The following ATXN2 variants were observed in gnomAD, a reference collection of about 807,000 sequenced individuals.
ATXN2 encodes the protein ataxin-2.
In ATXN2, 37 loss-of-function variants were observed where a neutral mutation model predicts 138.6. The observed-to-expected ratio is 0.27, with a 90% CI of 0.21 to 0.35. The LOEUF (loss-of-function observed/expected upper bound fraction) is 0.35. Ranked by LOEUF, ATXN2 falls within the 10% of genes least tolerant of loss-of-function variation. The pLI is 1.00. For missense variants in ATXN2, 1,216 were observed against 1,480.3 expected (o/e 0.82, Z 2.93); for synonymous variants, 549 against 543.7 (o/e 1.01, Z -0.13).
intron 1 of ATXN2, among the ~76,000 whole-genome samples, chr12:111,582,473 T>C (rs1476043518): frequency 6.6e-6 from 1 of 150,936 alleles, no homozygotes; most frequent in African/African-American, 2.4e-5. Context: ...GGGTGTGATG[T>C]TGCATGTGCC....
At chr12:111,531,374 G>T (rs1193521399) in intron 5 of ATXN2, among the ~76,000 whole-genome samples, 1 of 152,212 alleles carries the variant, frequency 6.6e-6, no homozygotes, top group Non-Finnish European at 1.5e-5. Context: ...GGAGGTTGTA[G>T]TGAGCCAAGA....
rs778830959 is a variant in ATXN2, at chr12:111,470,292, A to C, written c.2710-52T>G. On this transcript the variant is annotated intron_variant, in intron 19 of 24. Coordinates refer to ENST00000673436, the MANE Select transcript of ATXN2 (RefSeq NM_001372574.1). Reference sequence around the variant, plus strand: ...GCACATTAACACTGCAAATAGAGCCAAGCAGACTTTAGTTAAGATTTTTAA... The same window carrying C: ...GCACATTAACACTGCAAATAGAGCCCAGCAGACTTTAGTTAAGATTTTTAA... 3.8e-6 allele frequency: 6 copies of C among 1,580,758 alleles called. No individual in the cohort carries two copies. In the South Asian group the frequency reaches 5.7e-5, roughly 15 times the overall value.
chr12:111,489,569 G>A lies in ATXN2; in HGVS notation c.1936-789C>T, dbSNP rs190715489. On this transcript the variant is annotated intron_variant, in intron 14 of 24. Coordinates refer to ENST00000673436, the MANE Select transcript of ATXN2 (RefSeq NM_001372574.1). Reference sequence around the variant, plus strand: ...TGGAGCTGCAGTGAGCCAAGATCACGCCACTGCACTCCAGCCTGGGTGACA... The same window carrying A: ...TGGAGCTGCAGTGAGCCAAGATCACACCACTGCACTCCAGCCTGGGTGACA... Among the ~76,000 whole-genome samples the A allele has an allele frequency of 4.8e-3, 722 of 149,660 alleles. 9 individuals carry two copies. The highest frequency in any genetic ancestry group is 0.016 in the African/African-American group (663 of 40,400).
intron 1 of ATXN2, chr12:111,581,710 G>A (rs1884015703): frequency 1.5e-6 from 1 of 670,618 alleles, no homozygotes; most frequent in Non-Finnish European, 2.8e-6. Context: ...TCTGGGCCCT[G>A]ATTGTGCGCA....
At chr12:111,594,553 G>A (rs1305291791) in intron 1 of ATXN2, among the ~76,000 whole-genome samples, 1 of 152,006 alleles carries the variant, frequency 6.6e-6, no homozygotes, top group Admixed American at 6.6e-5. Context: ...ATACTAAGCT[G>A]AAAATCACTA....
chr12:111,456,387 A>G, intron 22 of ATXN2, 131 bp from the exon 23 acceptor site: 1 of 945,116 alleles, frequency 1.1e-6, no homozygotes, highest in African/African-American at 1.6e-5. Flanking sequence ...GAGAATGTAC[A>G]GGGTGGTAAG....
chr12:111,499,873 C>T (rs1878646097), intron 14 of ATXN2, among the ~76,000 whole-genome samples: 1 of 152,144 alleles, frequency 6.6e-6, no homozygotes, highest in Non-Finnish European at 1.5e-5. Context: ...TTCAATACTA[C>T]TGATCACCAG....
chr12:111,482,181 T>C (rs1205089622), intron 18 of ATXN2, among the ~76,000 whole-genome samples: 2 of 144,946 alleles, frequency 1.4e-5, no homozygotes, highest in African/African-American at 2.7e-5. Flanking sequence ...GCAAAGCCCT[T>C]TCTCTACTAT....
rs766891604 is a variant in ATXN2 at position 111,485,310 on chromosome 12, T to C, written c.2479A>G (p.Thr827Ala). ...GVQPLYPIPM[T>A]PMPVNQAKTY... ...TTGGCTTGATTCACTGGCATGGGCG[T>C]CATAGGTATTGGGTATAAAGGCTTG... is the stretch of plus-strand genomic sequence containing the variant. The change falls in exon 18 of 25, where the codon ACG (threonine) becomes GCG (alanine). Residue 827 changes from threonine (T) to alanine (A), a missense_variant. By Grantham distance (58) the Thr-to-Ala change is moderately conservative. Coordinates refer to ENST00000673436, the MANE Select transcript of ATXN2 (RefSeq NM_001372574.1). The C allele has an allele frequency of 4.3e-6, 7 of 1,612,876 alleles. No individual in the cohort carries two copies. Among genetic ancestry groups the C allele is most frequent in the South Asian group, 3.3e-5 (3 of 90,906 alleles).
At position 111,513,495 on chromosome 12, in the gene ATXN2, G is replaced by A; in HGVS notation, c.1420C>T (p.His474Tyr). The A allele has an allele frequency of 6.2e-7, 1 of 1,614,000 alleles. No homozygotes were observed. The highest frequency in any genetic ancestry group is 1.1e-5 in the South Asian group (1 of 91,052). The change falls in exon 11 of 25, where the codon CAC becomes TAC. Residue 474 changes from histidine (H) to tyrosine (Y), a missense_variant. Physicochemically the swap from His to Tyr is moderately conservative, Grantham distance 83. This residue lies in a region of ATXN2 where 401 missense variants were observed against 528.1 expected (regional missense o/e 0.76). Coordinates refer to ENST00000673436, the MANE Select transcript of ATXN2 (RefSeq NM_001372574.1). ...GAACCCCTCCCAGCAGAAACTCTGT[G>A]ATTTCGAGGATGTCGCTGGGCCTTT... ...SPKAQRHPRN[H>Y]RVSAGRGSIS...
chr12:111,598,996 C>A lies in ATXN2; in HGVS notation c.39G>T (p.Gln13His). Reference sequence around the variant, plus strand: ...GCTGCTGTTGCTGCTGCTGCTGCTGCTGCTGCTGCTGCTGCTGCTGCTGGG... The same window carrying A: ...GCTGCTGTTGCTGCTGCTGCTGCTGATGCTGCTGCTGCTGCTGCTGCTGGG... ...LKPQQQQQQQQQQQQQQQQQQ... is the reference protein window; with the variant it reads ...LKPQQQQQQQHQQQQQQQQQQ... The change falls in exon 1 of 25, where the codon CAG becomes CAT. Residue 13 changes from glutamine to histidine, a missense_variant. Gln to His is a conservative substitution (Grantham distance 24, BLOSUM62 0). This residue lies in a region of ATXN2 where 110 missense variants were observed against 88.7 expected (regional missense o/e 1.24). Coordinates refer to ENST00000673436, the MANE Select transcript of ATXN2 (RefSeq NM_001372574.1). This position sits in a 1 kb window ranked among gnomAD's most constrained non-coding sequence, Gnocchi z 4.5. 1 of 930,940 alleles carries A rather than the reference C, an allele frequency of 1.1e-6. No homozygotes were observed. Among genetic ancestry groups the A allele is most frequent in the Non-Finnish European group, 1.5e-6 (1 of 689,206 alleles). 57.7% of individuals were successfully genotyped at this position (930,940 alleles called of 1,614,324 possible).
chr12:111,597,731 A>C, intron 1 of ATXN2: 1 of 669,772 alleles, frequency 1.5e-6, no homozygotes, highest in Non-Finnish European at 2.4e-6. Context: ...AGGGAAAAAG[A>C]CGCTAGTAAA....
intron 14 of ATXN2, among the ~76,000 whole-genome samples, chr12:111,497,098 T>C (rs1043440940): frequency 2.0e-5 from 3 of 152,244 alleles, no homozygotes; most frequent in Non-Finnish European, 2.9e-5. Flanking sequence ...TGCTGATACA[T>C]TGGAAAACCT....
intron 21 of ATXN2, 36 bp downstream of exon 21, chr12:111,464,626 G>A (rs761918345): frequency 2.6e-6 from 4 of 1,532,350 alleles, no homozygotes; most frequent in East Asian, 4.5e-5. Context: ...GTGTTTTACT[G>A]TACAATTAAA....
intron 1 of ATXN2, among the ~76,000 whole-genome samples, chr12:111,584,376 T>TCA (rs1170330820): frequency 0.036 from 266 of 7,322 alleles, 3 homozygotes; most frequent in Non-Finnish European, 0.099. Flanking sequence ...AGACCCTGTC[T>TCA]CAAAAAAAAA....
chr12:111,533,839 T>G (rs911587133), intron 5 of ATXN2, among the ~76,000 whole-genome samples: 1 of 152,106 alleles, frequency 6.6e-6, no homozygotes, highest in Non-Finnish European at 1.5e-5. Flanking sequence ...TTCCCATATA[T>G]TTTGGATCCA....
At chr12:111,544,421 C>T (rs1881698483) in intron 5 of ATXN2, among the ~76,000 whole-genome samples, 1 of 152,150 alleles carries the variant, frequency 6.6e-6, no homozygotes, top group African/African-American at 2.4e-5. Flanking sequence ...GTACTATGTG[C>T]CAAAGCACTA....
rs1882167743 is a variant in ATXN2, at chr12:111,552,339, T to C, written c.512A>G (p.Lys171Arg). 6.2e-7 allele frequency: 1 copy of C among 1,613,622 alleles called. No individual in the cohort carries two copies. The highest frequency in any genetic ancestry group is 8.5e-7 in the Non-Finnish European group (1 of 1,179,812). Residue 171 changes from lysine (K) to arginine (R), a missense_variant, in exon 5 of 25, where the codon AAA (lysine) becomes AGA (arginine). Lys to Arg is a conservative substitution (Grantham distance 26). Transcript: ENST00000673436. This position sits in a 1 kb window ranked among gnomAD's most constrained non-coding sequence, Gnocchi z 4.1. ...CTGTACCACAACAAAGTCTGAACAT[T>C]TGAACAAAATACTCTCCATTATTTC... is the stretch of plus-strand genomic sequence containing the variant. ...REEIMESILF[K>R]CSDFVVVQFK...
At position 111,510,665 on chromosome 12, in the gene ATXN2, C is replaced by CTAG. The variant is rs1879454653; in HGVS notation, c.1559-86_1559-84dup. On this transcript the variant is annotated intron_variant, in intron 11 of 24. Coordinates refer to ENST00000673436, the MANE Select transcript of ATXN2 (RefSeq NM_001372574.1). The stretch of plus-strand genomic sequence containing the variant: ...AGAGGCTTCAGGCTTCTCTGAAGAT[C>CTAG]TAGGTAAATAAAACTGTCCTCTCTA... 29 of 1,295,520 alleles carry CTAG rather than the reference C, an allele frequency of 2.2e-5. No individual in the cohort carries two copies. The South Asian group carries it at 4.0e-4, about 18-fold the overall frequency. 80.3% of individuals were successfully genotyped at this position (1,295,520 alleles called of 1,614,324 possible). A position where few individuals can be genotyped will look rare whatever the true frequency, so the allele number is the denominator to read the frequency against.
Sources: gnomAD v4.1 joint callset for allele counts (sites outside exome capture counted in the v4.1 genomes callset) on GRCh38, gnomAD v4.1.1 for gene constraint, gnomAD v4.1.1 regional missense constraint, Gnocchi (gnomAD v3.1) non-coding constraint, MANE v1.5 for transcripts, NCBI Gene and HGNC (gene_info 2026-07-23, HGNC 2026-07-21) for gene names.